The following CAMK1D variants were observed in gnomAD, a reference collection of about 807,000 sequenced individuals.
CAMK1D encodes calcium/calmodulin-dependent protein kinase type 1D.
A neutral mutation model predicts 47.7 loss-of-function variants in CAMK1D; 9 were observed. That is an observed-to-expected ratio of 0.19 (90% CI 0.11 to 0.33). The LOEUF is 0.33. CAMK1D is among the 10% of genes least tolerant of loss of function. CAMK1D has a pLI of 1.00. For missense variants in CAMK1D, 291 were observed against 488.7 expected (o/e 0.60, Z 3.81); for synonymous variants, 184 against 184.9 (o/e 0.99, Z 0.04).
chr10:12,375,733 C>T (rs1838158090), intron 1 of CAMK1D, among the ~76,000 whole-genome samples: 1 of 152,186 alleles, frequency 6.6e-6, no homozygotes, highest in African/African-American at 2.4e-5. Context: ...GTTTCCTCCT[C>T]TCAAACACGG....
At chr10:12,362,300 T>G (rs1310622400) in intron 1 of CAMK1D, among the ~76,000 whole-genome samples, 6 of 152,100 alleles carry the variant, frequency 3.9e-5, no homozygotes, top group African/African-American at 1.4e-4. Flanking sequence ...TCTGTCTCAG[T>G]GAATTTGGCT....
intron 2 of CAMK1D, among the ~76,000 whole-genome samples, chr10:12,661,677 TATCAC>T (rs1035104527): frequency 6.6e-6 from 1 of 152,226 alleles, no homozygotes; most frequent in Non-Finnish European, 1.5e-5. Flanking sequence ...AAATTGCACT[TATCAC>T]AGAAGAGTCA....
chr10:12,450,276 CCA>C (rs1833046351), intron 1 of CAMK1D, among the ~76,000 whole-genome samples: 1 of 152,126 alleles, frequency 6.6e-6, no homozygotes, highest in Non-Finnish European at 1.5e-5. Flanking sequence ...TCCAGTTTCC[CCA>C]GTTACATTTG....
intron 1 of CAMK1D, among the ~76,000 whole-genome samples, chr10:12,523,226 G>T (rs1401375262): frequency 6.6e-6 from 1 of 150,770 alleles, no homozygotes; most frequent in Non-Finnish European, 1.5e-5. Flanking sequence ...TTCAGATGAT[G>T]GGCGGCCGGG....
chr10:12,423,074 A>G (rs1333161891), intron 1 of CAMK1D, among the ~76,000 whole-genome samples: 1 of 152,168 alleles, frequency 6.6e-6, no homozygotes, highest in African/African-American at 2.4e-5. Flanking sequence ...TCTAGAAAGC[A>G]CGCGATGTTT....
At chr10:12,672,896 C>CTT (rs750447013) in intron 3 of CAMK1D, among the ~76,000 whole-genome samples, 77 of 76,488 alleles carry the variant, frequency 1.0e-3, no homozygotes, top group East Asian at 2.8e-3. Flanking sequence ...ATAGGCTTGC[C>CTT]TTTTTTTTTT....
At chr10:12,806,154 C>T (rs534220274) in intron 6 of CAMK1D, among the ~76,000 whole-genome samples, 75 of 152,296 alleles carry the variant, frequency 4.9e-4, no homozygotes, top group African/African-American at 1.7e-3. Context: ...ATTGAGGATG[C>T]AAGGCTTCCC....
chr10:12,790,643 A>AT (rs1323423426), intron 5 of CAMK1D, among the ~76,000 whole-genome samples: 2 of 119,610 alleles, frequency 1.7e-5, no homozygotes, highest in Non-Finnish European at 3.6e-5. Context: ...ACACCCCTTC[A>AT]TTTTTTTTAA....
chr10:12,528,350 C>T (rs1490741854), intron 1 of CAMK1D, among the ~76,000 whole-genome samples: 1 of 152,186 alleles, frequency 6.6e-6, no homozygotes, highest in Non-Finnish European at 1.5e-5. Flanking sequence ...GAATGAAGTG[C>T]CTGGTTAGTG....
chr10:12,783,597 C>T (rs12248437), intron 5 of CAMK1D, among the ~76,000 whole-genome samples: 37,787 of 152,138 alleles, frequency 0.25, 4,985 homozygotes, highest in Middle Eastern at 0.37. Flanking sequence ...TTGATTACCA[C>T]GAGCCCCACA....
chr10:12,524,024 T>C (rs1055439335), intron 1 of CAMK1D, among the ~76,000 whole-genome samples: 1 of 152,134 alleles, frequency 6.6e-6, no homozygotes, highest in Non-Finnish European at 1.5e-5. Context: ...CCTGAGTAGC[T>C]GGGACTACAG....
At chr10:12,748,623 G>C (rs1253789098) in intron 3 of CAMK1D, among the ~76,000 whole-genome samples, 1 of 152,216 alleles carries the variant, frequency 6.6e-6, no homozygotes, top group Non-Finnish European at 1.5e-5. Flanking sequence ...ACAGTAGCTA[G>C]TCCCACAGCT....
chr10:12,588,889 C>CGTGTGT (rs1191222767), intron 2 of CAMK1D, among the ~76,000 whole-genome samples: 3,656 of 147,234 alleles, frequency 0.025, 138 homozygotes, highest in African/African-American at 0.083. Flanking sequence ...TGTGTGCGTG[C>CGTGTGT]GTGTGTGTGT....
chr10:12,508,185 C>T (rs1008114265), intron 1 of CAMK1D, among the ~76,000 whole-genome samples: 1 of 152,200 alleles, frequency 6.6e-6, no homozygotes, highest in South Asian at 2.1e-4. Flanking sequence ...GTCCTTGGCA[C>T]CTCAGCTGAA....
At position 12,834,690 on chromosome 10, in the gene CAMK1D, G is replaced by C. The variant is rs1228553991; in HGVS notation, c.*5803G>C. On this transcript the variant is annotated 3_prime_UTR_variant, in exon 11 of 11. Transcript: ENST00000619168. ...TTAAAGGTGATTTTATTTTCTTATG[G>C]ACAGGAAAAAAGAAAATGAGGAGGA... 2 of 151,968 alleles carry C rather than the reference G, an allele frequency of 1.3e-5. No individual in the cohort carries two copies. Among genetic ancestry groups the C allele is most frequent in the African/African-American group, 2.4e-5 (1 of 41,382 alleles). 9.4% of individuals were successfully genotyped at this position (151,968 alleles called of 1,614,324 possible). A position where few individuals can be genotyped will look rare whatever the true frequency, so the allele number is the denominator to read the frequency against.
At position 12,362,400 on chromosome 10, in the gene CAMK1D, A is replaced by G. The variant is rs538088687; in HGVS notation, c.92+12490A>G. The stretch of plus-strand genomic sequence containing the variant: ...TGGTTCCAGAATCAACCTGCCGCGG[A>G]TAACAAAATTTTAGGATGCTCTAGT... On this transcript the variant is annotated intron_variant, in intron 1 of 10. Coordinates refer to ENST00000619168, the MANE Select transcript of CAMK1D (RefSeq NM_153498.4). 4.6e-5 allele frequency among the ~76,000 whole-genome samples: 7 copies of G among 151,756 alleles called. 2 individuals are homozygous for G. The highest frequency in any genetic ancestry group is 1.7e-4 in the African/African-American group (7 of 41,092).
chr10:12,465,972 A>G (rs1201807409), intron 1 of CAMK1D, among the ~76,000 whole-genome samples: 2 of 152,182 alleles, frequency 1.3e-5, no homozygotes, highest in Non-Finnish European at 2.9e-5. Flanking sequence ...TTTCTGAGTA[A>G]CCAGGAATTG....
At chr10:12,541,860 T>TTCCTTCC (rs1399050967) in intron 1 of CAMK1D, among the ~76,000 whole-genome samples, 1 of 141,788 alleles carries the variant, frequency 7.1e-6, no homozygotes, top group Non-Finnish European at 1.5e-5. Flanking sequence ...CCTTCCTTCC[T>TTCCTTCC]TCCTTCCTTC....
At position 12,699,009 on chromosome 10, in the gene CAMK1D, A is replaced by G. The variant is rs141168363; in HGVS notation, c.299+32199A>G. ...TTTTAAGATAAGGAAGTAAAAAGAA[A>G]TCAGAAGGAGCCAAATCAGAGCTGT... On this transcript the variant is annotated intron_variant, in intron 3 of 10. Coordinates refer to ENST00000619168, the MANE Select transcript of CAMK1D (RefSeq NM_153498.4). 3.6e-3 allele frequency among the ~76,000 whole-genome samples: 548 copies of G among 152,088 alleles called. 8 individuals are homozygous for G. Among genetic ancestry groups the G allele is most frequent in the Admixed American group, 0.019 (290 of 15,268 alleles).
Sources: allele counts gnomAD v4.1 joint callset (sites outside exome capture counted in the v4.1 genomes callset), GRCh38; gene constraint gnomAD v4.1.1; transcripts MANE v1.5; gene names NCBI Gene and HGNC (gene_info 2026-07-23, HGNC 2026-07-21).